Variants in DNM2 observed in about 807,000 individuals in gnomAD.
DNM2 encodes dynamin 2.
DNM2 carries 15 observed loss-of-function variants against 99.0 expected under a neutral mutation model. That is an observed-to-expected ratio of 0.15 (90% CI 0.10 to 0.23). The LOEUF (loss-of-function observed/expected upper bound fraction) is 0.23, where lower values mean the gene tolerates loss of function less well. Ranked by LOEUF, DNM2 falls within the 10% of genes least tolerant of loss-of-function variation. DNM2 has a pLI of 1.00. For missense variants in DNM2, 742 were observed against 1,189.4 expected (o/e 0.62, Z 5.53); for synonymous variants, 525 against 481.2 (o/e 1.09, Z -1.19).
intron 1 of DNM2, among the ~76,000 whole-genome samples, chr19:10,756,407 G>T (rs1364922755): frequency 6.6e-6 from 1 of 152,220 alleles, no homozygotes; most frequent in East Asian, 1.9e-4. Flanking sequence ...AGAAAGGTTC[G>T]CTCCTTTTCA....
intron 1 of DNM2, among the ~76,000 whole-genome samples, chr19:10,727,043 C>T (rs1302897389): frequency 2.0e-5 from 3 of 152,126 alleles, no homozygotes; most frequent in South Asian, 4.1e-4. Flanking sequence ...TTGTTTAAAA[C>T]GATTGTATTT....
In DNM2 at chr19:10,750,900, C is replaced by CA. The variant is rs112088041; in HGVS notation, c.162-8825dup. ...TGGGTGACAAAGCAAGACTCCATCT[C>CA]AAAAAAAAAAAAAGTTAATAAACTA... On this transcript the variant is annotated intron_variant, in intron 1 of 20. Transcript: ENST00000389253. 5.9e-4 allele frequency among the ~76,000 whole-genome samples: 83 copies of CA among 141,556 alleles called. 1 individual carries two copies. The highest frequency in any genetic ancestry group is 1.6e-3 in the East Asian group (8 of 4,960). The allele number at this position is 141,556 out of a possible 152,430, so 92.9% of individuals were successfully genotyped here.
chr19:10,819,480 G>A (rs547306899), intron 15 of DNM2, among the ~76,000 whole-genome samples: 3 of 152,302 alleles, frequency 2.0e-5, no homozygotes, highest in East Asian at 1.9e-4. Context: ...CGTGCAAGGC[G>A]AGGGGCAGTT....
At chr19:10,801,821 C>T (rs1419821598) in intron 11 of DNM2, among the ~76,000 whole-genome samples, 1 of 149,654 alleles carries the variant, frequency 6.7e-6, no homozygotes, top group Non-Finnish European at 1.5e-5. Context: ...AGGAGAATCG[C>T]TTGAACCCAG....
At chr19:10,788,531 G>A (rs1305650787) in intron 7 of DNM2, among the ~76,000 whole-genome samples, 1 of 152,194 alleles carries the variant, frequency 6.6e-6, no homozygotes, top group Non-Finnish European at 1.5e-5. Flanking sequence ...TGACTCAGGT[G>A]CTCACAGGCT....
At position 10,829,145 on chromosome 19, in the gene DNM2, T is replaced by A; in HGVS notation, c.2168T>A (p.Leu723Gln). 6.2e-7 allele frequency: 1 copy of A among 1,613,926 alleles called. No individual in the cohort carries two copies. The highest frequency in any genetic ancestry group is 8.5e-7 in the Non-Finnish European group (1 of 1,180,020). ...ADQAQRRDDM[L>Q]RMYHALKEAL... Reference sequence around the variant, plus strand: ...CAGGCACAGCGGCGGGACGACATGCTGCGCATGTACCATGCCCTCAAGGAG... The same window carrying A: ...CAGGCACAGCGGCGGGACGACATGCAGCGCATGTACCATGCCCTCAAGGAG... Residue 723 changes from leucine to glutamine, a missense_variant, in exon 19 of 21, where the codon CTG (leucine) becomes CAG (glutamine). This residue lies in a region of DNM2 where 187 missense variants were observed against 218.8 expected (regional missense o/e 0.85). Transcript: ENST00000389253.
chr19:10,743,735 G>A (rs933806732), intron 1 of DNM2, among the ~76,000 whole-genome samples: 3 of 149,184 alleles, frequency 2.0e-5, no homozygotes, highest in Admixed American at 6.7e-5. Context: ...GCATGAACCC[G>A]GGAGGCGGAG....
intron 13 of DNM2, among the ~76,000 whole-genome samples, chr19:10,807,618 A>G (rs983201733): frequency 6.9e-5 from 9 of 131,130 alleles, no homozygotes; most frequent in Non-Finnish European, 1.1e-4. Flanking sequence ...GCGCGGTCTC[A>G]GCTCACCACA....
At chr19:10,740,556 G>A (rs58972132) in intron 1 of DNM2, among the ~76,000 whole-genome samples, 15,892 of 151,890 alleles carry the variant, frequency 0.1, 1,282 homozygotes, top group East Asian at 0.37. Context: ...TTGTATTTTT[G>A]GTGGAGACGG....
chr19:10,785,992 G>T (rs1039372447), intron 6 of DNM2, among the ~76,000 whole-genome samples: 11 of 151,882 alleles, frequency 7.2e-5, no homozygotes, highest in African/African-American at 1.9e-4. Context: ...TAGAAACAGG[G>T]TTTCATTGTG....
At chr19:10,761,145 T>C (rs955361980) in intron 2 of DNM2, among the ~76,000 whole-genome samples, 2 of 151,984 alleles carry the variant, frequency 1.3e-5, no homozygotes, top group African/African-American at 4.8e-5. Context: ...TGTGTCACCA[T>C]GTCTGGCTAA....
intron 2 of DNM2, among the ~76,000 whole-genome samples, chr19:10,760,740 C>T (rs1205931829): frequency 4.6e-5 from 7 of 151,622 alleles, no homozygotes; most frequent in African/African-American, 1.7e-4. Flanking sequence ...CTCACTGCGG[C>T]CTCGACCTCC....
chr19:10,795,544 A>G lies in DNM2; in HGVS notation c.1196+105A>G. 1 of 1,345,628 alleles carries G rather than the reference A, an allele frequency of 7.4e-7. No individual in the cohort carries two copies. The highest frequency in any genetic ancestry group is 1.1e-6 in the Non-Finnish European group (1 of 944,126). 83.4% of individuals were successfully genotyped at this position (1,345,628 alleles called of 1,614,324 possible). ...CTGAGTCCCTAATCGTTAGGCCTTAAGAGGGCTCTTGGATGGTTTTCTGTA... is the reference window on the plus strand; with the variant it reads ...CTGAGTCCCTAATCGTTAGGCCTTAGGAGGGCTCTTGGATGGTTTTCTGTA... On this transcript the variant is annotated intron_variant, in intron 9 of 20. Transcript: ENST00000389253. The surrounding 1 kb of genome is among the most constrained non-coding windows in gnomAD (Gnocchi z 4.2).
At chr19:10,786,524 C>T in intron 6 of DNM2, 40 bp from the exon 7 acceptor site, 1 of 1,613,228 alleles carries the variant, frequency 6.2e-7, no homozygotes, top group African/African-American at 1.3e-5. Context: ...TGGTATCCTG[C>T]CCATGCCACC....
intron 1 of DNM2, among the ~76,000 whole-genome samples, chr19:10,732,424 C>G (rs553244587): frequency 2.0e-5 from 3 of 150,864 alleles, no homozygotes; most frequent in Non-Finnish European, 4.4e-5. Context: ...CACGGTGAAA[C>G]CCCACCTCTA....
chr19:10,830,078 G>T lies in DNM2; in HGVS notation c.2292-49G>T. 6.2e-7 allele frequency: 1 copy of T among 1,613,436 alleles called. No homozygotes were observed. Among genetic ancestry groups the T allele is most frequent in the Non-Finnish European group, 8.5e-7 (1 of 1,179,534 alleles). On this transcript the variant is annotated intron_variant, in intron 19 of 20. Coordinates refer to ENST00000389253, the MANE Select transcript of DNM2 (RefSeq NM_001005361.3). The surrounding 1 kb of genome is among the most constrained non-coding windows in gnomAD (Gnocchi z 4.8). ...TGGCAGCCACAGTGGCATGGCGGGG[G>T]CTCCTACTCCATCTGTATCTGTAGC...
At chr19:10,727,190 G>C (rs141000903) in intron 1 of DNM2, among the ~76,000 whole-genome samples, 1 of 152,040 alleles carries the variant, frequency 6.6e-6, no homozygotes, top group Non-Finnish European at 1.5e-5. Context: ...CCAAAGCTGC[G>C]CTCTAGGCTG....
At chr19:10,763,526 C>T (rs2070702754) in intron 2 of DNM2, 1 of 152,254 alleles carries the variant, frequency 6.6e-6, no homozygotes, top group Non-Finnish European at 1.5e-5. Context: ...CTTATTGCTC[C>T]AAGTAGGTGC....
In DNM2 at chr19:10,793,200, C is replaced by T. The variant is rs954280986; in HGVS notation, c.993-520C>T. On this transcript the variant is annotated intron_variant, in intron 7 of 20. Transcript: ENST00000389253. ...GATCTAAAAACATCTTCAGTCTCCA[C>T]GAAGGAGGTAGATGTTGTTACCCTC... is the stretch of plus-strand genomic sequence containing the variant. Among the ~76,000 whole-genome samples the T allele has an allele frequency of 5.9e-5, 9 of 152,256 alleles. No individual in the cohort carries two copies. In the South Asian group the frequency reaches 8.3e-4, roughly 14 times the overall value.
Sources: gnomAD v4.1 joint callset for allele counts (sites outside exome capture counted in the v4.1 genomes callset) on GRCh38, gnomAD v4.1.1 for gene constraint, gnomAD v4.1.1 regional missense constraint, Gnocchi (gnomAD v3.1) non-coding constraint, MANE v1.5 for transcripts, NCBI Gene and HGNC (gene_info 2026-07-23, HGNC 2026-07-21) for gene names.